Variants in WNT6 observed in about 807,000 individuals in gnomAD.
WNT6 encodes the protein Wnt family member 6.
WNT6 carries 27 observed loss-of-function variants against 33.1 expected under a neutral mutation model. That is an observed-to-expected ratio of 0.82 (90% CI 0.60 to 1.12). WNT6 has a LOEUF of 1.12. Among genes scored for constraint, WNT6 ranks in the 50% most tolerant of loss-of-function variants. WNT6 has a pLI of 0.00. For missense variants in WNT6, 494 were observed against 535.3 expected (o/e 0.92, Z 0.76); for synonymous variants, 249 against 242.8 (o/e 1.03, Z -0.24).
Position 218,873,997 on chromosome 2 carries a change from G to C in WNT6, c.*152G>C. The C allele has an allele frequency of 1.1e-6, 1 of 908,656 alleles. No homozygotes were observed. Among genetic ancestry groups the C allele is most frequent in the Non-Finnish European group, 1.5e-6 (1 of 647,574 alleles). The allele number at this position is 908,656 out of a possible 1,614,324, so 56.3% of individuals were successfully genotyped here. On this transcript the variant is annotated 3_prime_UTR_variant, in exon 4 of 4. Coordinates refer to ENST00000233948, the MANE Select transcript of WNT6 (RefSeq NM_006522.4). This position sits in a 1 kb window ranked among gnomAD's most constrained non-coding sequence, Gnocchi z 6.1. ...GGGCTCTGGAAATGGTGAGGCGAGG[G>C]GCTTGAGAGGAACGCCCACCCACGA...
rs371939706 is a variant in WNT6, at chr2:218,866,040, G to T, written c.81-4987G>T. On this transcript the variant is annotated intron_variant, in intron 1 of 3. Transcript: ENST00000233948. ...CTGGGGGAGGGGAGCAGTAATTACC[G>T]AGTTAGACAGAGCAGGACAGGACAG... is the stretch of plus-strand genomic sequence containing the variant. Among the ~76,000 whole-genome samples the T allele has an allele frequency of 2.7e-4, 41 of 151,524 alleles. No individual in the cohort carries two copies. In the East Asian group the frequency reaches 5.7e-3, roughly 21 times the overall value.
Position 218,873,524 on chromosome 2 carries a change from C to G in WNT6, c.777C>G (p.Arg259=), listed in dbSNP as rs962932978. The change falls in exon 4 of 4, where the codon CGC becomes CGG. Residue 259 remains arginine, a synonymous_variant. Coordinates refer to ENST00000233948, the MANE Select transcript of WNT6 (RefSeq NM_006522.4). This position sits in a 1 kb window ranked among gnomAD's most constrained non-coding sequence, Gnocchi z 6.1. The stretch of plus-strand genomic sequence containing the variant: ...TGGAGCGCTTCCACGGCGCCTCACG[C>G]GTCATGGGCACCAACGACGGCAAGG... ...RLLERFHGAS[R]VMGTNDGKAL... The G allele has an allele frequency of 6.5e-7, 1 of 1,538,080 alleles. No homozygotes were observed. Among genetic ancestry groups the G allele is most frequent in the East Asian group, 2.4e-5 (1 of 40,884 alleles).
rs990374212 is a variant in WNT6, at chr2:218,859,869, C to T, written c.-169C>T. 56 of 273,098 alleles carry T rather than the reference C, an allele frequency of 2.1e-4. No individual in the cohort carries two copies. Among genetic ancestry groups the T allele is most frequent in the Middle Eastern group, 1.5e-3 (1 of 680 alleles). The allele number at this position is 273,098 out of a possible 1,614,324, so 16.9% of individuals were successfully genotyped here. The stretch of plus-strand genomic sequence containing the variant: ...CTGCCCCGTCCGCTCTCCGCCTCCG[C>T]CGCGCCCTCCTCGCCCGGGATGGGC... On this transcript the variant is annotated 5_prime_UTR_variant, in exon 1 of 4. Coordinates refer to ENST00000233948, the MANE Select transcript of WNT6 (RefSeq NM_006522.4).
intron 1 of WNT6, among the ~76,000 whole-genome samples, chr2:218,869,632 A>C (rs1944383425): frequency 6.6e-6 from 1 of 152,102 alleles, no homozygotes; most frequent in Non-Finnish European, 1.5e-5. Flanking sequence ...CAGATGCTCT[A>C]CTCATTCATT....
At chr2:218,869,662 A>G (rs2106004803) in intron 1 of WNT6, among the ~76,000 whole-genome samples, 1 of 152,284 alleles carries the variant, frequency 6.6e-6, no homozygotes, top group Non-Finnish European at 1.5e-5. Context: ...AATCCCAGCT[A>G]AGTGTTCAAA....
At chr2:218,863,446 C>G (rs1162484863) in intron 1 of WNT6, among the ~76,000 whole-genome samples, 1 of 152,240 alleles carries the variant, frequency 6.6e-6, no homozygotes, top group Non-Finnish European at 1.5e-5. Flanking sequence ...GAAAGAGGCT[C>G]ATGCCCTTGG....
chr2:218,861,230 G>C, intron 1 of WNT6, among the ~76,000 whole-genome samples: 1 of 152,144 alleles, frequency 6.6e-6, no homozygotes, highest in Non-Finnish European at 1.5e-5. Context: ...TCCCTACTCC[G>C]TGATGCGGAG....
intron 1 of WNT6, among the ~76,000 whole-genome samples, chr2:218,868,531 G>T (rs572494701): frequency 6.6e-6 from 1 of 152,288 alleles, no homozygotes; most frequent in East Asian, 1.9e-4. Context: ...CGACTCACAG[G>T]TGGAGCCCCA....
chr2:218,873,628 G>T lies in WNT6; in HGVS notation c.881G>T (p.Cys294Phe). 6.3e-7 allele frequency: 1 copy of T among 1,578,894 alleles called. No homozygotes were observed. The highest frequency in any genetic ancestry group is 1.1e-5 in the South Asian group (1 of 88,100). Residue 294 changes from cysteine (C) to phenylalanine (F), a missense_variant, in exon 4 of 4, where the codon TGC (cysteine) becomes TTC (phenylalanine). Physicochemically the swap from Cys to Phe is radical, Grantham distance 205. Coordinates refer to ENST00000233948, the MANE Select transcript of WNT6 (RefSeq NM_006522.4). The surrounding 1 kb of genome is among the most constrained non-coding windows in gnomAD (Gnocchi z 6.1). ...LLYAADSPDF[C>F]APNRRTGSPG... Reference sequence around the variant, plus strand: ...TACGCCGCCGATTCGCCCGACTTCTGCGCCCCCAACCGACGCACCGGCTCC... The same window carrying T: ...TACGCCGCCGATTCGCCCGACTTCTTCGCCCCCAACCGACGCACCGGCTCC...
At position 218,867,790 on chromosome 2, in the gene WNT6, G is replaced by A. The variant is rs947573347; in HGVS notation, c.81-3237G>A. On this transcript the variant is annotated intron_variant, in intron 1 of 3. Coordinates refer to ENST00000233948, the MANE Select transcript of WNT6 (RefSeq NM_006522.4). The surrounding 1 kb of genome is among the most constrained non-coding windows in gnomAD (Gnocchi z 4.9). The stretch of plus-strand genomic sequence containing the variant: ...TTCACTCCCTAAGGAAGCATAAAGC[G>A]AGGAAGGTGAAAGGTGAGTGGGGAT... Among the ~76,000 whole-genome samples, 66 of 152,222 alleles carry A rather than the reference G, an allele frequency of 4.3e-4. 1 individual carries two copies. Among genetic ancestry groups the A allele is most frequent in the African/African-American group, 1.5e-3 (64 of 41,466 alleles).
At position 218,871,090 on chromosome 2, in the gene WNT6, C is replaced by T. The variant is rs376257737; in HGVS notation, c.144C>T (p.Ala48=). ...TSICRKARRL[A]GRQAELCQAE... is the part of the protein sequence containing the mutation. ...TCTGCAGGAAGGCACGGCGGCTGGC[C>T]GGGCGGCAGGCCGAGTTGTGCCAGG... is the stretch of plus-strand genomic sequence containing the variant. The change falls in exon 2 of 4, where the codon GCC becomes GCT. Residue 48 remains alanine, a synonymous_variant. Transcript: ENST00000233948. The surrounding 1 kb of genome is among the most constrained non-coding windows in gnomAD (Gnocchi z 6.4). The T allele has an allele frequency of 6.2e-7, 1 of 1,613,276 alleles. No homozygotes were observed. The highest frequency in any genetic ancestry group is 1.1e-5 in the South Asian group (1 of 91,008).
chr2:218,864,995 A>C (rs1944342016), intron 1 of WNT6, among the ~76,000 whole-genome samples: 1 of 152,212 alleles, frequency 6.6e-6, no homozygotes, highest in African/African-American at 2.4e-5. Context: ...TGAGCAGAAA[A>C]GGGCAGGGGC....
chr2:218,862,427 CCTCTGT>C (rs1944317743), intron 1 of WNT6, among the ~76,000 whole-genome samples: 1 of 151,594 alleles, frequency 6.6e-6, no homozygotes, highest in Non-Finnish European at 1.5e-5. Context: ...CTCATGGCAA[CCTCTGT>C]CTCCCCGGTT....
In WNT6 at chr2:218,859,896, C is replaced by A; in HGVS notation, c.-142C>A. The A allele has an allele frequency of 2.0e-6, 1 of 509,090 alleles. No individual in the cohort carries two copies. The allele number at this position is 509,090 out of a possible 1,614,324, so 31.5% of individuals were successfully genotyped here. A position where few individuals can be genotyped will look rare whatever the true frequency, so the allele number is the denominator to read the frequency against. ...GCGCCCTCCTCGCCCGGGATGGGCC[C>A]CCCCGCCGCCGCCGGATCCCTCGCC... On this transcript the variant is annotated 5_prime_UTR_variant, in exon 1 of 4. Coordinates refer to ENST00000233948, the MANE Select transcript of WNT6 (RefSeq NM_006522.4).
At position 218,860,124 on chromosome 2, in the gene WNT6, C is replaced by A; in HGVS notation, c.80+7C>A. On this transcript the variant is annotated splice_region_variant and intron_variant, in intron 1 of 3. Transcript: ENST00000233948. ...ACGTCGGCGGACTGTGGTGGTGAGT[C>A]CGGCTGTCCTGGCGCGGCTCTGGAC... 6.6e-7 allele frequency: 1 copy of A among 1,519,266 alleles called. No individual in the cohort carries two copies. The highest frequency in any genetic ancestry group is 8.8e-7 in the Non-Finnish European group (1 of 1,137,550). 94.1% of individuals were successfully genotyped at this position (1,519,266 alleles called of 1,614,324 possible).
chr2:218,870,457 C>T (rs1048194801), intron 1 of WNT6, among the ~76,000 whole-genome samples: 8 of 152,172 alleles, frequency 5.3e-5, no homozygotes, highest in Admixed American at 2.0e-4. Context: ...TGACTTTTCT[C>T]AGCTAGGCTC....
At chr2:218,866,406 G>C (rs904146483) in intron 1 of WNT6, among the ~76,000 whole-genome samples, 3 of 152,202 alleles carry the variant, frequency 2.0e-5, no homozygotes, top group Non-Finnish European at 4.4e-5. Flanking sequence ...CTGGATGGAG[G>C]AGGAGGAGAC....
At chr2:218,870,410 T>G (rs965695613) in intron 1 of WNT6, among the ~76,000 whole-genome samples, 4 of 152,108 alleles carry the variant, frequency 2.6e-5, no homozygotes, top group African/African-American at 4.8e-5. Flanking sequence ...AACACACCCA[T>G]TTTATAGAAG....
chr2:218,863,455 G>A (rs1944327847), intron 1 of WNT6, among the ~76,000 whole-genome samples: 1 of 152,188 alleles, frequency 6.6e-6, no homozygotes, highest in Admixed American at 6.5e-5. Context: ...TCATGCCCTT[G>A]GAATTGGCTC....
Sources: gnomAD v4.1 joint callset for allele counts (sites outside exome capture counted in the v4.1 genomes callset) on GRCh38, gnomAD v4.1.1 for gene constraint, Gnocchi (gnomAD v3.1) non-coding constraint, MANE v1.5 for transcripts, NCBI Gene and HGNC (gene_info 2026-07-23, HGNC 2026-07-21) for gene names.